BABAM2: variants seen among roughly 807,000 people sequenced by gnomAD.
The protein encoded by BABAM2 is BRISC and BRCA1 A complex member 2, also known as BRISC and BRCA1-A complex member 2.
Under a neutral mutation model 54.7 loss-of-function variants are expected in BABAM2, and 31 were observed. The observed-to-expected ratio is 0.57, with a 90% confidence interval of 0.43 to 0.77. The LOEUF (loss-of-function observed/expected upper bound fraction) is 0.77. Among genes scored for constraint, BABAM2 ranks in the 30% least tolerant of loss-of-function variants. The pLI, the probability that BABAM2 is intolerant of heterozygous loss-of-function variation, is 0.00. For missense variants in BABAM2, 364 were observed against 455.8 expected, an observed-to-expected ratio of 0.80 and a Z score of 1.83; for synonymous variants, 167 against 162.9, an observed-to-expected ratio of 1.03 and a Z score of -0.19.
intron 7 of BABAM2, among the ~76,000 whole-genome samples, chr2:28,168,535 C>G (rs1215098453): frequency 3.3e-5 from 5 of 152,136 alleles, no homozygotes; most frequent in African/African-American, 1.2e-4. Context: ...AAATTCTCCT[C>G]CCTTTTGAAG....
intron 7 of BABAM2, among the ~76,000 whole-genome samples, chr2:28,139,337 A>AG (rs1383920432): frequency 1.3e-5 from 2 of 149,154 alleles, no homozygotes; most frequent in Non-Finnish European, 3.0e-5. Flanking sequence ...AAAAAAAAAA[A>AG]AAAAAAAAGA....
At chr2:28,269,873 A>G (rs545810599) in intron 10 of BABAM2, among the ~76,000 whole-genome samples, 4 of 152,072 alleles carry the variant, frequency 2.6e-5, no homozygotes, top group African/African-American at 9.6e-5. Flanking sequence ...TACATTGACA[A>G]TGACATCAGG....
intron 4 of BABAM2, among the ~76,000 whole-genome samples, chr2:28,013,988 T>C (rs943311498): frequency 6.6e-6 from 1 of 152,142 alleles, no homozygotes; most frequent in African/African-American, 2.4e-5. Context: ...GCATATTTGT[T>C]GACTAATTTG....
intron 3 of BABAM2, among the ~76,000 whole-genome samples, chr2:27,985,820 A>G (rs1672358529): frequency 6.6e-6 from 1 of 152,188 alleles, no homozygotes; most frequent in African/African-American, 2.4e-5. Context: ...GTGTCACAGT[A>G]TCTCACAGGT....
intron 11 of BABAM2, among the ~76,000 whole-genome samples, chr2:28,318,566 T>G (rs1245878223): frequency 6.6e-6 from 1 of 152,222 alleles, no homozygotes; most frequent in Non-Finnish European, 1.5e-5. Flanking sequence ...GCTCCTGGAA[T>G]AGGGGCTAAC....
chr2:27,898,358 T>C (rs1020773714), intron 2 of BABAM2, among the ~76,000 whole-genome samples: 3 of 152,174 alleles, frequency 2.0e-5, no homozygotes, highest in African/African-American at 7.2e-5. Context: ...TTTTCTTCTT[T>C]TATTGGAATG....
At chr2:27,928,963 T>G (rs551101642) in intron 2 of BABAM2, among the ~76,000 whole-genome samples, 2 of 149,196 alleles carry the variant, frequency 1.3e-5, no homozygotes, top group South Asian at 4.2e-4. Flanking sequence ...CCTGTGATCC[T>G]GACACTTTGG....
intron 5 of BABAM2, among the ~76,000 whole-genome samples, chr2:28,042,980 C>T (rs1456955162): frequency 2.0e-5 from 3 of 151,134 alleles, no homozygotes; most frequent in South Asian, 2.1e-4. Context: ...GCTGAGATCG[C>T]GCCACTGCAC....
rs1210349305 is a variant in BABAM2, at chr2:28,096,761, C to T, written c.571-32510C>T. The stretch of plus-strand genomic sequence containing the variant: ...TCCTTCTTCCCTTCCTCCCTCACTC[C>T]TTCATTTTCTCTTTTATTTTTTAAT... On this transcript the variant is annotated intron_variant, in intron 6 of 11. Transcript: ENST00000379624. 4.6e-5 allele frequency among the ~76,000 whole-genome samples: 7 copies of T among 151,662 alleles called. No homozygotes were observed. The East Asian group carries it at 1.4e-3, about 29-fold the overall frequency.
intron 4 of BABAM2, among the ~76,000 whole-genome samples, chr2:28,003,377 G>T (rs1673714667): frequency 6.6e-6 from 1 of 152,198 alleles, no homozygotes; most frequent in Non-Finnish European, 1.5e-5. Flanking sequence ...GGCATCAGTG[G>T]TTTTAGAAAG....
chr2:28,096,369 T>C (rs1308722401), intron 6 of BABAM2, among the ~76,000 whole-genome samples: 1 of 126,536 alleles, frequency 7.9e-6, no homozygotes, highest in Non-Finnish European at 1.7e-5. Context: ...TTAGGTATTG[T>C]TGATCAGCAA....
At chr2:28,020,649 A>G (rs957570898) in intron 4 of BABAM2, among the ~76,000 whole-genome samples, 9 of 152,104 alleles carry the variant, frequency 5.9e-5, no homozygotes, top group African/African-American at 9.7e-5. Context: ...TGTTATTGCA[A>G]TTGTTTCTGT....
chr2:28,032,512 C>A (rs1676372504), intron 5 of BABAM2, among the ~76,000 whole-genome samples: 1 of 152,022 alleles, frequency 6.6e-6, no homozygotes, highest in Non-Finnish European at 1.5e-5. Flanking sequence ...CCAAAAAAAA[C>A]CCATTCTTTA....
intron 6 of BABAM2, among the ~76,000 whole-genome samples, chr2:28,077,403 A>G (rs1193182706): frequency 2.0e-5 from 3 of 152,174 alleles, no homozygotes; most frequent in African/African-American, 7.2e-5. Context: ...TTTATTCCAT[A>G]GTATAATTAT....
intron 3 of BABAM2, among the ~76,000 whole-genome samples, chr2:27,946,488 G>C (rs1487909507): frequency 6.6e-6 from 1 of 152,152 alleles, no homozygotes; most frequent in Non-Finnish European, 1.5e-5. Flanking sequence ...TTTGGCACCA[G>C]AGTAATGCTG....
At chr2:28,086,629 A>G (rs997208204) in intron 6 of BABAM2, among the ~76,000 whole-genome samples, 1 of 152,146 alleles carries the variant, frequency 6.6e-6, no homozygotes, top group Non-Finnish European at 1.5e-5. Context: ...GGCCTTATCT[A>G]TTTTTCTAGT....
intron 7 of BABAM2, among the ~76,000 whole-genome samples, chr2:28,182,659 C>T (rs984876967): frequency 1.3e-5 from 2 of 152,266 alleles, no homozygotes; most frequent in African/African-American, 2.4e-5. Flanking sequence ...GCAGTTACTG[C>T]GGACTGCAAA....
At chr2:28,216,456 T>C (rs1466331572) in intron 7 of BABAM2, among the ~76,000 whole-genome samples, 1 of 152,236 alleles carries the variant, frequency 6.6e-6, no homozygotes, top group Non-Finnish European at 1.5e-5. Context: ...AACCAGCCTG[T>C]AATTGCAGTA....
intron 3 of BABAM2, among the ~76,000 whole-genome samples, chr2:27,964,629 C>G (rs1043799222): frequency 2.6e-5 from 4 of 152,164 alleles, no homozygotes; most frequent in Non-Finnish European, 4.4e-5. Context: ...AGTGTAGGAA[C>G]AACATTAGGG....
Sources: gnomAD v4.1 joint callset for allele counts (sites outside exome capture counted in the v4.1 genomes callset) on GRCh38, gnomAD v4.1.1 for gene constraint, MANE v1.5 for transcripts, NCBI Gene and HGNC (gene_info 2026-07-23, HGNC 2026-07-21) for gene names.